The following TRIM51 variants were observed in gnomAD, a reference collection of about 807,000 sequenced individuals.
TRIM51 encodes the protein tripartite motif-containing protein 51.
TRIM51 carries 23 observed loss-of-function variants against 32.7 expected under a neutral mutation model. The observed-to-expected ratio is 0.70, with a 90% CI of 0.51 to 1.00. The LOEUF (loss-of-function observed/expected upper bound fraction) is 1.00, where lower values mean the gene tolerates loss of function less well. Ranked by LOEUF, TRIM51 falls within the 50% of genes least tolerant of loss-of-function variation. TRIM51 has a pLI of 0.00. For missense variants in TRIM51, 592 were observed against 539.2 expected (o/e 1.10, Z -0.97); for synonymous variants, 177 against 181.9 (o/e 0.97, Z 0.22).
intron 3 of TRIM51, 38 bp from the exon 4 acceptor site, chr11:55,887,994 G>A: frequency 7.0e-7 from 1 of 1,425,376 alleles, no homozygotes; most frequent in Non-Finnish European, 9.9e-7. Context: ...AAGAGAAGAT[G>A]GGTAAAACAT....
At chr11:55,887,757 T>G (rs185840954) in intron 3 of TRIM51, among the ~76,000 whole-genome samples, 2,402 of 152,300 alleles carry the variant, frequency 0.016, 59 homozygotes, top group African/African-American at 0.055. Flanking sequence ...AGAACTGTGT[T>G]TTCTTTCTAT....
chr11:55,888,105 A>G lies in TRIM51; in HGVS notation c.581A>G (p.Glu194Gly). 6.2e-7 allele frequency: 1 copy of G among 1,613,694 alleles called. No homozygotes were observed. The highest frequency in any genetic ancestry group is 8.5e-7 in the Non-Finnish European group (1 of 1,179,686). Residue 194 changes from glutamate (E) to glycine (G), a missense_variant, in exon 4 of 7, where the codon GAG becomes GGG. Physicochemically the swap from Glu to Gly is moderately conservative, Grantham distance 98 (BLOSUM62 -2). Coordinates refer to ENST00000449290, the MANE Select transcript of TRIM51 (RefSeq NM_032681.4). Reference protein sequence around the residue: ...QKMPAFLHEEEQHHLERLRKE... With the variant: ...QKMPAFLHEEGQHHLERLRKE... ...ATGCCTGCATTTCTCCATGAAGAAG[A>G]GCAACATCACTTGGAAAGGCTGCGA...
At chr11:55,890,184 T>C (rs1854630581) in intron 6 of TRIM51, 145 bp downstream of exon 6, 2 of 600,784 alleles carry the variant, frequency 3.3e-6, no homozygotes, top group East Asian at 2.8e-5. Flanking sequence ...TATATCTGTG[T>C]TTCTATTTAT....
chr11:55,890,178 T>A, intron 6 of TRIM51, 139 bp downstream of exon 6: 1 of 606,744 alleles, frequency 1.6e-6, no homozygotes, highest in Non-Finnish European at 2.9e-6. Flanking sequence ...CCCTTTTATA[T>A]CTGTGTTTCT....
chr11:55,885,522 C>T lies in TRIM51; in HGVS notation c.94C>T (p.His32Tyr). 3 of 1,612,068 alleles carry T rather than the reference C, an allele frequency of 1.9e-6. No individual in the cohort carries two copies. Among genetic ancestry groups the T allele is most frequent in the Non-Finnish European group, 2.5e-6 (3 of 1,179,748 alleles). The part of the protein sequence containing the change: ...FLDPVTIDCG[H>Y]SFCRPCLYLN... ...AGACCCAGTCACCATAGACTGTGGG[C>T]ACAGCTTTTGCCGGCCCTGTTTGTA... The change falls in exon 2 of 7, where the codon CAC (histidine) becomes TAC (tyrosine). Residue 32 changes from histidine to tyrosine, a missense_variant. Physicochemically the swap from His to Tyr is moderately conservative, Grantham distance 83 (BLOSUM62 2). Transcript: ENST00000449290.
chr11:55,888,023 T>C lies in TRIM51; in HGVS notation c.508-9T>C. 6.5e-7 allele frequency: 1 copy of C among 1,537,664 alleles called. No individual in the cohort carries two copies. On this transcript the variant is annotated splice_polypyrimidine_tract_variant and intron_variant, in intron 3 of 6. Coordinates refer to ENST00000449290, the MANE Select transcript of TRIM51 (RefSeq NM_032681.4). ...AAAACATTTCTATTTTGACTAATTG[T>C]CACTGCAGGATTATGTGAGTTTAAG...
At chr11:55,883,842 A>T (rs1854539504) in intron 1 of TRIM51, among the ~76,000 whole-genome samples, 1 of 152,114 alleles carries the variant, frequency 6.6e-6, no homozygotes, top group Admixed American at 6.6e-5. Flanking sequence ...GCTCTCCAAA[A>T]TACCCTAGCT....
chr11:55,888,885 A>G, intron 4 of TRIM51, 94 bp from the exon 5 acceptor site: 1 of 1,130,860 alleles, frequency 8.8e-7, no homozygotes, highest in Non-Finnish European at 1.3e-6. Context: ...GGAAAATAGT[A>G]TCTTCAGAAA....
intron 4 of TRIM51, 100 bp downstream of exon 4, chr11:55,888,362 G>A: frequency 1.1e-6 from 1 of 951,316 alleles, no homozygotes. Context: ...TCCATTATTT[G>A]TTTCCAAAAA....
chr11:55,889,239 A>T (rs945222067), intron 5 of TRIM51, among the ~76,000 whole-genome samples: 29 of 152,094 alleles, frequency 1.9e-4, no homozygotes, highest in African/African-American at 6.0e-4. Context: ...AATAAAACAA[A>T]AAATAAATAA....
Position 55,891,253 on chromosome 11 carries a change from G to A in TRIM51, c.980G>A (p.Cys327Tyr), listed in dbSNP as rs373281032. ...DDPDITGKSE[C>Y]FLVWGAQAFT... ...CCCGATATCACTGGAAAATCTGAATGTTTTCTTGTATGGGGGGCTCAGGCT... is the reference window on the plus strand; with the variant it reads ...CCCGATATCACTGGAAAATCTGAATATTTTCTTGTATGGGGGGCTCAGGCT... The change falls in exon 7 of 7, where the codon TGT becomes TAT. Residue 327 changes from cysteine (C) to tyrosine (Y), a missense_variant. Cys to Tyr is a radical substitution (Grantham distance 194). Transcript: ENST00000449290. 9 of 1,608,210 alleles carry A rather than the reference G, an allele frequency of 5.6e-6. No individual in the cohort carries two copies. The African/African-American group carries it at 8.0e-5, about 14-fold the overall frequency.
intron 3 of TRIM51, among the ~76,000 whole-genome samples, chr11:55,886,694 C>G (rs1854583007): frequency 6.6e-6 from 1 of 152,030 alleles, no homozygotes. Context: ...AATATCAGCA[C>G]TAATTAATAT....
In TRIM51 at chr11:55,888,235, C is replaced by A. The variant is rs1464528281; in HGVS notation, c.711C>A (p.Cys237Ter). 6.8e-6 allele frequency: 11 copies of A among 1,612,776 alleles called. No individual in the cohort carries two copies. The highest frequency in any genetic ancestry group is 9.3e-6 in the Non-Finnish European group (11 of 1,179,132). The stretch of plus-strand genomic sequence containing the variant: ...TGTATGAGGATCTGAAGCAAATGTG[C>A]CATAAAGCAGATGTGGAGCTACTCC... ...RGMYEDLKQM[C>*]HKADVELLQA... Residue 237 changes from cysteine to a stop codon, truncating the protein, a stop_gained, in exon 4 of 7, where the codon TGC (cysteine) becomes TGA (stop). Coordinates refer to ENST00000449290, the MANE Select transcript of TRIM51 (RefSeq NM_032681.4). LOFTEE classifies it high-confidence loss of function.
intron 3 of TRIM51, among the ~76,000 whole-genome samples, chr11:55,887,469 A>T (rs189228720): frequency 4.1e-4 from 63 of 152,176 alleles, no homozygotes; most frequent in Non-Finnish European, 1.9e-4. Context: ...CTAGGTATAG[A>T]AAACAGCATG....
intron 4 of TRIM51, 79 bp downstream of exon 4, chr11:55,888,341 C>G: frequency 1.9e-6 from 2 of 1,056,782 alleles, no homozygotes; most frequent in Non-Finnish European, 2.9e-6. Flanking sequence ...AACTCCGTCT[C>G]CCCCTTCACT....
At chr11:55,884,358 G>A (rs1045332734) in intron 1 of TRIM51, among the ~76,000 whole-genome samples, 4 of 149,350 alleles carry the variant, frequency 2.7e-5, no homozygotes, top group African/African-American at 9.9e-5. Context: ...TCATATATCT[G>A]TCCTCACTCT....
chr11:55,887,724 C>G (rs925031089), intron 3 of TRIM51, among the ~76,000 whole-genome samples: 1 of 152,104 alleles, frequency 6.6e-6, no homozygotes, highest in Admixed American at 6.6e-5. Context: ...GTCAATATAA[C>G]TCGATAGTTT....
chr11:55,890,609 T>C (rs1344581440), intron 6 of TRIM51, among the ~76,000 whole-genome samples: 1 of 152,152 alleles, frequency 6.6e-6, no homozygotes, highest in East Asian at 1.9e-4. Flanking sequence ...CAAAATTCGG[T>C]TTCAGTCTAG....
chr11:55,888,746 C>G (rs1854609199), intron 4 of TRIM51, among the ~76,000 whole-genome samples: 2 of 152,232 alleles, frequency 1.3e-5, no homozygotes, highest in South Asian at 4.2e-4. Flanking sequence ...TGGGCCTCCT[C>G]TCCCTTCACT....
Sources: allele counts gnomAD v4.1 joint callset (sites outside exome capture counted in the v4.1 genomes callset), GRCh38; gene constraint gnomAD v4.1.1; transcripts MANE v1.5; gene names NCBI Gene and HGNC (gene_info 2026-07-23, HGNC 2026-07-21).